The following DLGAP4 variants were observed in gnomAD, a reference collection of about 807,000 sequenced individuals.
DLGAP4 encodes the protein DLG associated protein 4, also known as disks large-associated protein 4.
DLGAP4 carries 18 observed loss-of-function variants against 86.9 expected under a neutral mutation model. That is an observed-to-expected ratio of 0.21 (90% CI 0.14 to 0.31). The LOEUF is 0.31. DLGAP4 is among the 10% of genes least tolerant of loss of function. DLGAP4 has a pLI of 1.00. For synonymous variants in DLGAP4, 548 were observed against 574.3 expected, an observed-to-expected ratio of 0.95 and a Z score of 0.65; for missense variants, 1,085 against 1,362.6, an observed-to-expected ratio of 0.80 and a Z score of 3.21.
chr20:36,314,935 T>C (rs1208899856), intron 1 of DLGAP4, among the ~76,000 whole-genome samples: 3 of 142,584 alleles, frequency 2.1e-5, no homozygotes, highest in Non-Finnish European at 4.6e-5. Context: ...GTGGTGTGTG[T>C]GTGCTGTGTG....
At chr20:36,416,777 G>T (rs192311618) in intron 2 of DLGAP4, among the ~76,000 whole-genome samples, 32 of 152,196 alleles carry the variant, frequency 2.1e-4, no homozygotes, top group Non-Finnish European at 4.3e-4. Context: ...GAACAGAAAC[G>T]CCAGCCTAGC....
At chr20:36,311,438 G>A (rs1384736638) in intron 1 of DLGAP4, among the ~76,000 whole-genome samples, 2 of 152,114 alleles carry the variant, frequency 1.3e-5, no homozygotes, top group African/African-American at 4.8e-5. Context: ...CAAAATGAAT[G>A]GAAGCACATT....
At chr20:36,507,213 T>A (rs1468658823) in intron 10 of DLGAP4, among the ~76,000 whole-genome samples, 1 of 137,342 alleles carries the variant, frequency 7.3e-6, no homozygotes, top group African/African-American at 2.9e-5. Flanking sequence ...ACAAAAGTTG[T>A]TTTTTTTTTG....
chr20:36,452,343 TA>T (rs2033758722), intron 7 of DLGAP4, among the ~76,000 whole-genome samples: 1 of 152,062 alleles, frequency 6.6e-6, no homozygotes, highest in African/African-American at 2.4e-5. Context: ...CATGCCTGGC[TA>T]ATTTTTAAAT....
intron 2 of DLGAP4, among the ~76,000 whole-genome samples, chr20:36,408,212 C>T (rs565819962): frequency 6.6e-6 from 1 of 151,804 alleles, no homozygotes; most frequent in Non-Finnish European, 1.5e-5. Flanking sequence ...GGGAGATAAT[C>T]CCCGGAAACT....
At chr20:36,437,999 G>A (rs2033335878) in intron 4 of DLGAP4, among the ~76,000 whole-genome samples, 1 of 152,120 alleles carries the variant, frequency 6.6e-6, no homozygotes, top group Non-Finnish European at 1.5e-5. Flanking sequence ...GACCTCCTGT[G>A]CTCAAGCAGT....
intron 7 of DLGAP4, chr20:36,462,680 G>A (rs984277167): frequency 6.1e-5 from 92 of 1,517,088 alleles, no homozygotes; most frequent in Non-Finnish European, 7.3e-5. Context: ...TTGGCGCTGG[G>A]GCAAGGGCTG....
intron 1 of DLGAP4, among the ~76,000 whole-genome samples, chr20:36,339,549 G>A (rs574819438): frequency 2.0e-5 from 3 of 152,174 alleles, no homozygotes; most frequent in Admixed American, 2.0e-4. Context: ...CCTGGCTAAT[G>A]TTTTTTAAAA....
At chr20:36,335,445 T>C (rs1237208167) in intron 1 of DLGAP4, among the ~76,000 whole-genome samples, 1 of 152,102 alleles carries the variant, frequency 6.6e-6, no homozygotes, top group East Asian at 1.9e-4. Flanking sequence ...CCTGCCTCCA[T>C]AGGGCTGTTA....
At chr20:36,524,597 A>G (rs1385944154) in intron 11 of DLGAP4, among the ~76,000 whole-genome samples, 1 of 152,206 alleles carries the variant, frequency 6.6e-6, no homozygotes, top group Non-Finnish European at 1.5e-5. Context: ...GCACTGGTTT[A>G]TTTATATAAA....
intron 7 of DLGAP4, among the ~76,000 whole-genome samples, chr20:36,464,339 C>T (rs984889943): frequency 3.3e-5 from 5 of 152,188 alleles, no homozygotes; most frequent in African/African-American, 7.2e-5. Flanking sequence ...GCAGGCAGGT[C>T]GCTTGAGCTC....
intron 1 of DLGAP4, among the ~76,000 whole-genome samples, chr20:36,340,944 T>C (rs900198438): frequency 6.6e-6 from 1 of 152,192 alleles, no homozygotes; most frequent in Non-Finnish European, 1.5e-5. Context: ...TGCCAGCAAG[T>C]TGGGCCTGGT....
chr20:36,465,693 A>G (rs2034319002), intron 7 of DLGAP4, among the ~76,000 whole-genome samples: 3 of 152,206 alleles, frequency 2.0e-5, no homozygotes, highest in African/African-American at 7.2e-5. Flanking sequence ...AGACACACCC[A>G]GAGGGCCACT....
At position 36,386,670 on chromosome 20, in the gene DLGAP4, G is replaced by A. The variant is rs564695822; in HGVS notation, c.-73+19395G>A. The stretch of plus-strand genomic sequence containing the variant: ...TGCAATCATAGCTCACTACAGCCTC[G>A]ACCTCCCAGGCTCAAGTGATCCTCC... On this transcript the variant is annotated intron_variant, in intron 2 of 12. Transcript: ENST00000339266. 1.1e-3 allele frequency among the ~76,000 whole-genome samples: 169 copies of A among 152,070 alleles called. 1 individual carries two copies. Among genetic ancestry groups the A allele is most frequent in the South Asian group, 3.7e-3 (18 of 4,812 alleles).
intron 1 of DLGAP4, among the ~76,000 whole-genome samples, chr20:36,362,576 T>C (rs989918657): frequency 1.3e-5 from 2 of 152,212 alleles, no homozygotes; most frequent in East Asian, 3.8e-4. Context: ...CCAGAGCTCA[T>C]GACAGTTGGT....
intron 10 of DLGAP4, among the ~76,000 whole-genome samples, chr20:36,520,856 A>C (rs1220379763): frequency 3.3e-5 from 5 of 151,936 alleles, no homozygotes; most frequent in Admixed American, 2.0e-4. Flanking sequence ...TGTTTGAGAC[A>C]GAGTCTCCCT....
intron 10 of DLGAP4, among the ~76,000 whole-genome samples, chr20:36,509,917 C>G (rs1281460003): frequency 6.6e-6 from 1 of 151,484 alleles, no homozygotes; most frequent in Non-Finnish European, 1.5e-5. Context: ...AGTGCAATAG[C>G]GTGATCTCAG....
rs1008235438 is a variant in DLGAP4, at chr20:36,422,709, C to T, written c.-72-8937C>T. ...ATGAGATGAGGTAGGGCAGGGAGGT[C>T]TCACTCTGGCATGTGGGGGTGGCGG... On this transcript the variant is annotated intron_variant, in intron 2 of 12. Coordinates refer to ENST00000339266, the MANE Select transcript of DLGAP4 (RefSeq NM_001365621.2). 2.6e-5 allele frequency among the ~76,000 whole-genome samples: 4 copies of T among 152,174 alleles called. No homozygotes were observed. In the East Asian group the frequency reaches 7.7e-4, roughly 29 times the overall value.
In DLGAP4 at chr20:36,499,690, A is replaced by T; in HGVS notation, c.2099+14A>T. The T allele has an allele frequency of 1.2e-6, 2 of 1,610,566 alleles. No individual in the cohort carries two copies. The highest frequency in any genetic ancestry group is 1.7e-6 in the Non-Finnish European group (2 of 1,178,270). ...GGACGACTGGCGGTAAGTCGGACAG[A>T]GGTGGCGGCTGCTTCTCCCCTCTCC... On this transcript the variant is annotated intron_variant, in intron 9 of 12. Transcript: ENST00000339266.
Sources: allele counts gnomAD v4.1 joint callset (sites outside exome capture counted in the v4.1 genomes callset), GRCh38; gene constraint gnomAD v4.1.1; transcripts MANE v1.5; gene names NCBI Gene and HGNC (gene_info 2026-07-23, HGNC 2026-07-21).